The following ZNF721 variants were observed in gnomAD, a reference collection of about 807,000 sequenced individuals.
ZNF721 encodes the protein zinc finger protein 721.
In ZNF721, 2 loss-of-function variants were observed where a neutral mutation model predicts 2.4. The ratio of observed to expected loss-of-function variants is 0.82; its 90% confidence interval spans 0.34 to 2.58. ZNF721 has a LOEUF of 2.58. Among genes scored for constraint, ZNF721 ranks in the 30% most tolerant of loss-of-function variants. The pLI, the probability that ZNF721 is intolerant of heterozygous loss-of-function variation, is 0.11. For synonymous variants in ZNF721, 398 were observed against 381.8 expected, an observed-to-expected ratio of 1.04 and a Z score of -0.50; for missense variants, 1,187 against 1,085.5, an observed-to-expected ratio of 1.09 and a Z score of -1.31.
chr4:468,345 G>C (rs782109891), intron 2 of ZNF721, among the ~76,000 whole-genome samples: 2 of 151,604 alleles, frequency 1.3e-5, no homozygotes, highest in African/African-American at 4.9e-5. Flanking sequence ...CAGGAGAATC[G>C]CTTGAACCTG....
chr4:448,174 CAG>C (rs1203275161), intron 2 of ZNF721, among the ~76,000 whole-genome samples: 3 of 152,076 alleles, frequency 2.0e-5, no homozygotes, highest in Non-Finnish European at 2.9e-5. Flanking sequence ...AAAGTCTTAA[CAG>C]AAGTTTTTAA....
At chr4:497,801 G>A (rs1342432482) in intron 1 of ZNF721, among the ~76,000 whole-genome samples, 2 of 152,010 alleles carry the variant, frequency 1.3e-5, no homozygotes, top group African/African-American at 4.8e-5. Context: ...GGGAGGCTGC[G>A]GTAGGAAAAT....
intron 2 of ZNF721, among the ~76,000 whole-genome samples, chr4:456,967 T>C (rs782370222): frequency 4.6e-5 from 7 of 152,258 alleles, no homozygotes; most frequent in African/African-American, 1.7e-4. Flanking sequence ...AATAAAAAAT[T>C]CTGATCTATA....
intron 2 of ZNF721, among the ~76,000 whole-genome samples, chr4:458,584 C>T (rs1004147931): frequency 5.9e-5 from 9 of 152,180 alleles, no homozygotes; most frequent in African/African-American, 2.2e-4. Flanking sequence ...TGGTAGCTCA[C>T]GCCTGTAATC....
chr4:479,820 C>T (rs1715729333), intron 1 of ZNF721, among the ~76,000 whole-genome samples: 2 of 152,200 alleles, frequency 1.3e-5, no homozygotes, highest in Admixed American at 6.5e-5. Flanking sequence ...CTCTGAGGCA[C>T]CTTTTTCAAA....
chr4:455,571 A>C (rs1553865322), intron 2 of ZNF721, among the ~76,000 whole-genome samples: 1 of 152,088 alleles, frequency 6.6e-6, no homozygotes, highest in Non-Finnish European at 1.5e-5. Context: ...ATCTCAAAAC[A>C]ACCAACCAAC....
chr4:444,259 T>C lies in ZNF721; in HGVS notation c.208A>G (p.Asn70Asp), dbSNP rs1553863896. The stretch of plus-strand genomic sequence containing the variant: ...CTCTGAGTATTTGACAAGCATTTAT[T>C]AATTCCATTATAAACTCCCTTCTGC... ...KVQKGVYNGI[N>D]KCLSNTQSKI... is the part of the protein sequence containing the mutation. The change falls in exon 3 of 3, where the codon AAT becomes GAT. Residue 70 changes from asparagine to aspartate, a missense_variant. Physicochemically the swap from Asn to Asp is conservative, Grantham distance 23 (BLOSUM62 1). Transcript: ENST00000511833. 1.2e-6 allele frequency: 2 copies of C among 1,613,884 alleles called. No individual in the cohort carries two copies. The highest frequency in any genetic ancestry group is 1.7e-5 in the Admixed American group (1 of 60,018).
chr4:446,529 C>T (rs183695616), intron 2 of ZNF721, among the ~76,000 whole-genome samples: 5 of 151,798 alleles, frequency 3.3e-5, no homozygotes, highest in Admixed American at 2.0e-4. Context: ...TACAGGTACA[C>T]ACCACCATGC....
At chr4:483,165 G>A (rs1553869778) in intron 1 of ZNF721, among the ~76,000 whole-genome samples, 1 of 152,158 alleles carries the variant, frequency 6.6e-6, no homozygotes, top group Non-Finnish European at 1.5e-5. Flanking sequence ...TGTTCAGGTG[G>A]AGCATCAGCC....
intron 1 of ZNF721, among the ~76,000 whole-genome samples, chr4:474,392 C>T (rs1294956102): frequency 6.6e-6 from 1 of 152,196 alleles, no homozygotes; most frequent in African/African-American, 2.4e-5. Flanking sequence ...TTCATTTTAA[C>T]CTTCTGGTGT....
chr4:460,357 AG>A (rs1715022414), intron 2 of ZNF721, among the ~76,000 whole-genome samples: 1 of 152,206 alleles, frequency 6.6e-6, no homozygotes, highest in Non-Finnish European at 1.5e-5. Flanking sequence ...AACGAAATTA[AG>A]GTAGAAATAA....
intron 2 of ZNF721, among the ~76,000 whole-genome samples, chr4:469,181 T>C (rs1715351269): frequency 1.3e-5 from 2 of 152,166 alleles, no homozygotes; most frequent in Admixed American, 1.3e-4. Flanking sequence ...GTGATCCACA[T>C]GCCTTGGCCT....
At chr4:485,960 C>T (rs1490539916) in intron 1 of ZNF721, among the ~76,000 whole-genome samples, 33 of 151,826 alleles carry the variant, frequency 2.2e-4, no homozygotes, top group African/African-American at 1.2e-4. Context: ...GGCGACAGAG[C>T]GAGACTCCAT....
At chr4:490,662 T>C (rs1366209494) in intron 1 of ZNF721, among the ~76,000 whole-genome samples, 5 of 152,154 alleles carry the variant, frequency 3.3e-5, no homozygotes, top group African/African-American at 1.2e-4. Flanking sequence ...GCCAGAAAGG[T>C]TATGAAATGT....
rs189869992 is a variant in ZNF721, at chr4:445,696, T to C, written c.35-1264A>G. On this transcript the variant is annotated intron_variant, in intron 2 of 2. Coordinates refer to ENST00000511833, the MANE Select transcript of ZNF721 (RefSeq NM_133474.4). ...ACATAAAAAAAGGAGGTGAAAAATA[T>C]AAAATAATGACTCAGAAATTTTCAG... Among the ~76,000 whole-genome samples, 260 of 152,004 alleles carry C rather than the reference T, an allele frequency of 1.7e-3. 1 individual carries two copies. Among genetic ancestry groups the C allele is most frequent in the African/African-American group, 5.7e-3 (237 of 41,496 alleles).
At chr4:452,626 C>T (rs1714708435) in intron 2 of ZNF721, among the ~76,000 whole-genome samples, 1 of 152,132 alleles carries the variant, frequency 6.6e-6, no homozygotes, top group Admixed American at 6.5e-5. Context: ...AGTAGCTGTC[C>T]TAGATCAACA....
Position 462,623 on chromosome 4 carries a change from G to A in ZNF721, c.34+9952C>T, listed in dbSNP as rs142900992. Among the ~76,000 whole-genome samples, 565 of 152,186 alleles carry A rather than the reference G, an allele frequency of 3.7e-3. 5 individuals are homozygous for A. Among genetic ancestry groups the A allele is most frequent in the African/African-American group, 0.013 (520 of 41,504 alleles). ...ACACATCTACAACCATCTGATCTTC[G>A]ACAAACCTGACAAAAACAAGCAACA... On this transcript the variant is annotated intron_variant, in intron 2 of 2. Coordinates refer to ENST00000511833, the MANE Select transcript of ZNF721 (RefSeq NM_133474.4).
intron 1 of ZNF721, among the ~76,000 whole-genome samples, chr4:496,578 G>C (rs1716157580): frequency 6.6e-6 from 1 of 152,044 alleles, no homozygotes; most frequent in Non-Finnish European, 1.5e-5. Flanking sequence ...TCATGAGCTA[G>C]AGGGTTTGGA....
chr4:464,239 G>C (rs1715165792), intron 2 of ZNF721, among the ~76,000 whole-genome samples: 1 of 152,184 alleles, frequency 6.6e-6, no homozygotes, highest in Non-Finnish European at 1.5e-5. Context: ...GGGAGGCCAA[G>C]GCGGGTGTAT....
Sources: allele counts gnomAD v4.1 joint callset (sites outside exome capture counted in the v4.1 genomes callset), GRCh38; gene constraint gnomAD v4.1.1; transcripts MANE v1.5; gene names NCBI Gene and HGNC (gene_info 2026-07-23, HGNC 2026-07-21).